The following MYOC variants were observed in gnomAD, a reference collection of about 807,000 sequenced individuals.
MYOC encodes juvenile-onset open-angle glaucoma 1.
MYOC carries 29 observed loss-of-function variants against 28.2 expected under a neutral mutation model. That is an observed-to-expected ratio of 1.03 (90% CI 0.77 to 1.40). The LOEUF is 1.40. Among genes scored for constraint, MYOC ranks in the 40% most tolerant of loss-of-function variants. MYOC has a pLI of 0.00. For synonymous variants in MYOC, 240 were observed against 245.6 expected (o/e 0.98, Z 0.21); for missense variants, 569 against 620.6 (o/e 0.92, Z 0.88).
chr1:171,648,235 A>G (rs1653250610), intron 1 of MYOC, among the ~76,000 whole-genome samples: 1 of 151,670 alleles, frequency 6.6e-6, no homozygotes, highest in Non-Finnish European at 1.5e-5. Context: ...TCGTCCCCAC[A>G]TCTGAGTATC....
Position 171,635,919 on chromosome 1 carries a change from G to A in MYOC, c.*6C>T, listed in dbSNP as rs1034625739. The A allele has an allele frequency of 6.2e-7, 1 of 1,614,008 alleles. No homozygotes were observed. Among genetic ancestry groups the A allele is most frequent in the Non-Finnish European group, 8.5e-7 (1 of 1,179,996 alleles). ...TCTGCCATTGCCTGTACAGCTTGGAGGCTTTTCACATCTTGGAGAGCTTGA... is the reference window on the plus strand; with the variant it reads ...TCTGCCATTGCCTGTACAGCTTGGAAGCTTTTCACATCTTGGAGAGCTTGA... On this transcript the variant is annotated 3_prime_UTR_variant, in exon 3 of 3. Coordinates refer to ENST00000037502, the MANE Select transcript of MYOC (RefSeq NM_000261.2).
chr1:171,639,603 C>A (rs1308681533), intron 1 of MYOC, among the ~76,000 whole-genome samples: 1 of 146,170 alleles, frequency 6.8e-6, no homozygotes, highest in Non-Finnish European at 1.5e-5. Context: ...TATGATCCTG[C>A]CACTGCACTC....
At chr1:171,645,774 A>G (rs568880109) in intron 1 of MYOC, among the ~76,000 whole-genome samples, 2 of 152,190 alleles carry the variant, frequency 1.3e-5, no homozygotes, top group South Asian at 2.1e-4. Context: ...TGTGCACTCA[A>G]TCCTCTTATC....
Position 171,635,993 on chromosome 1 carries a change from C to T in MYOC, c.1447G>A (p.Glu483Lys). The T allele has an allele frequency of 6.2e-7, 1 of 1,614,164 alleles. No individual in the cohort carries two copies. The highest frequency in any genetic ancestry group is 8.5e-7 in the Non-Finnish European group (1 of 1,180,010). The change falls in exon 3 of 3, where the codon GAG becomes AAG. Residue 483 changes from glutamate (E) to lysine (K), a missense_variant. Transcript: ENST00000037502. The stretch of plus-strand genomic sequence containing the variant: ...TTGTCCCAGGCAAAGAGCTTCTTCT[C>T]CAGGGGGTTGTAGTCAATCATGCTG... The part of the protein sequence containing the change: ...YSSMIDYNPL[E>K]KKLFAWDNLN...
chr1:171,638,774 G>T (rs1256636333), intron 1 of MYOC, 52 bp from the exon 2 acceptor site: 2 of 1,600,722 alleles, frequency 1.2e-6, no homozygotes, highest in Non-Finnish European at 1.7e-6. Context: ...ATGGCCCAAG[G>T]ATTGACTATG....
intron 1 of MYOC, among the ~76,000 whole-genome samples, chr1:171,650,448 T>G (rs2102950463): frequency 6.6e-6 from 1 of 152,358 alleles, no homozygotes; most frequent in South Asian, 2.1e-4. Flanking sequence ...CTTCTAATTC[T>G]AACAATCTAA....
In MYOC at chr1:171,635,754, A is replaced by G. The variant is rs1476854691; in HGVS notation, c.*171T>C. On this transcript the variant is annotated 3_prime_UTR_variant, in exon 3 of 3. Coordinates refer to ENST00000037502, the MANE Select transcript of MYOC (RefSeq NM_000261.2). ...ATGAAATTGTCTACGCCCTCAGACT[A>G]CAATTCCTGAATAGTTAGATGGTGA... The G allele has an allele frequency of 1.5e-6, 1 of 670,384 alleles. No individual in the cohort carries two copies. Among genetic ancestry groups the G allele is most frequent in the African/African-American group, 1.8e-5 (1 of 55,358 alleles). 41.5% of individuals were successfully genotyped at this position (670,384 alleles called of 1,614,324 possible). A position where few individuals can be genotyped will look rare whatever the true frequency, so the allele number is the denominator to read the frequency against.
chr1:171,643,968 CAAAAAAAA>C (rs145167337), intron 1 of MYOC, among the ~76,000 whole-genome samples: 49 of 89,452 alleles, frequency 5.5e-4, no homozygotes, highest in Non-Finnish European at 7.1e-4. Context: ...GACTCTGTCT[CAAAAAAAA>C]AAAAAAAAAA....
In MYOC at chr1:171,636,056, T is replaced by C. The variant is rs1652910973; in HGVS notation, c.1384A>G (p.Thr462Ala). Residue 462 changes from threonine (T) to alanine (A), a missense_variant, in exon 3 of 3, where the codon ACC becomes GCC. By Grantham distance (58) the Thr-to-Ala change is moderately conservative. Coordinates refer to ENST00000037502, the MANE Select transcript of MYOC (RefSeq NM_000261.2). ...AYDTGTGISK[T>A]LTIPFKNRYK... is the part of the protein sequence containing the mutation. Reference sequence around the variant, plus strand: ...CGGTTCTTGAATGGGATGGTCAGGGTCTTGCTGATACCTGTGCCTGTGTCA... The same window carrying C: ...CGGTTCTTGAATGGGATGGTCAGGGCCTTGCTGATACCTGTGCCTGTGTCA... The C allele has an allele frequency of 6.2e-7, 1 of 1,614,062 alleles. No homozygotes were observed. The highest frequency in any genetic ancestry group is 1.7e-5 in the Admixed American group (1 of 60,000).
At chr1:171,642,887 T>TAAAAAAAAAAAAAAAAAAAAAAAAA (rs151128602) in intron 1 of MYOC, among the ~76,000 whole-genome samples, 1 of 126,142 alleles carries the variant, frequency 7.9e-6, no homozygotes, top group Non-Finnish European at 1.7e-5. Context: ...TAGTCTATGT[T>TAAAAAAAAAAAAAAAAAAAAAAAAA]TAAAAAAAAA....
Position 171,635,853 on chromosome 1 carries a change from T to C in MYOC, c.*72A>G. On this transcript the variant is annotated 3_prime_UTR_variant, in exon 3 of 3. Transcript: ENST00000037502. ...TGCCTGGGCCCTGGCTGGCTGGCTC[T>C]CCCTTCAGCCTGCTCCCCCCAGGAG... 2 of 1,555,566 alleles carry C rather than the reference T, an allele frequency of 1.3e-6. No homozygotes were observed. Among genetic ancestry groups the C allele is most frequent in the Non-Finnish European group, 8.8e-7 (1 of 1,137,636 alleles).
In MYOC at chr1:171,652,659, AG is replaced by A. The variant is rs1352955462; in HGVS notation, c.-49del. The A allele has an allele frequency of 4.3e-6, 7 of 1,611,742 alleles. No homozygotes were observed. Among genetic ancestry groups the A allele is most frequent in the Non-Finnish European group, 5.9e-6 (7 of 1,179,772 alleles). On this transcript the variant is annotated 5_prime_UTR_variant, in exon 1 of 3. Transcript: ENST00000037502. ...CTCTGGAAAGCTCTGCTGTGCTGAG[AG>A]GTGCCTGGATGGGTGGCCTTGCTGG... is the stretch of plus-strand genomic sequence containing the variant.
chr1:171,639,961 A>C (rs971797029), intron 1 of MYOC, among the ~76,000 whole-genome samples: 2 of 149,120 alleles, frequency 1.3e-5, no homozygotes, highest in Non-Finnish European at 3.0e-5. Flanking sequence ...AAAAAAAAAA[A>C]AAAAAAAAAA....
In MYOC at chr1:171,638,827, C is replaced by T. The variant is rs1572211889; in HGVS notation, c.605-105G>A. 10 of 1,307,194 alleles carry T rather than the reference C, an allele frequency of 7.6e-6. No homozygotes were observed. The South Asian group carries it at 9.5e-5, about 12-fold the overall frequency. The allele number at this position is 1,307,194 out of a possible 1,614,324, so 81.0% of individuals were successfully genotyped here. ...ATAGGCTGCCGGCCAGGCGTGGTGGCTCATGCCTGTAATCCCAGCACTTTG... is the reference window on the plus strand; with the variant it reads ...ATAGGCTGCCGGCCAGGCGTGGTGGTTCATGCCTGTAATCCCAGCACTTTG... On this transcript the variant is annotated intron_variant, in intron 1 of 2. Coordinates refer to ENST00000037502, the MANE Select transcript of MYOC (RefSeq NM_000261.2).
chr1:171,641,389 A>C (rs1484923052), intron 1 of MYOC, among the ~76,000 whole-genome samples: 1 of 152,094 alleles, frequency 6.6e-6, no homozygotes, highest in Non-Finnish European at 1.5e-5. Flanking sequence ...AGGCAGGGTA[A>C]GCAGGTTTAG....
Position 171,636,375 on chromosome 1 carries a change from C to T in MYOC, c.1065G>A (p.Lys355=), listed in dbSNP as rs776030983. 4 of 1,613,992 alleles carry T rather than the reference C, an allele frequency of 2.5e-6. No individual in the cohort carries two copies. The African/African-American group carries it at 4.0e-5, about 16-fold the overall frequency. ...CAGCTCCAGGGATTTCCTTCTCAGC[C>T]TTCACTGTCTCGGTATTCAGCTCAT... ...IRYELNTETV[K]AEKEIPGAGY... The change falls in exon 3 of 3, where the codon AAG becomes AAA. Residue 355 remains lysine, a synonymous_variant. Coordinates refer to ENST00000037502, the MANE Select transcript of MYOC (RefSeq NM_000261.2).
chr1:171,652,382 T>G lies in MYOC; in HGVS notation c.230A>C (p.Asp77Ala), dbSNP rs1470849217. Reference protein sequence around the residue: ...AMSVIHNLQRDSSTQRLDLEA... With the variant: ...AMSVIHNLQRASSTQRLDLEA... ...CAGGTCTAAGCGTTGGGTGCTGCTG[T>G]CTCTCTGTAAGTTATGGATGACTGA... Residue 77 changes from aspartate (D) to alanine (A), a missense_variant, in exon 1 of 3, where the codon GAC becomes GCC. Physicochemically the swap from Asp to Ala is moderately radical, Grantham distance 126. Coordinates refer to ENST00000037502, the MANE Select transcript of MYOC (RefSeq NM_000261.2). 1.9e-6 allele frequency: 3 copies of G among 1,613,072 alleles called. No individual in the cohort carries two copies. The Admixed American group carries it at 5.0e-5, about 27-fold the overall frequency.
intron 1 of MYOC, among the ~76,000 whole-genome samples, chr1:171,639,301 A>G (rs546611044): frequency 8.3e-4 from 126 of 152,278 alleles, no homozygotes; most frequent in Non-Finnish European, 1.1e-3. Flanking sequence ...CAATTCCATA[A>G]TTAAAAACCT....
At chr1:171,649,652 G>T (rs545915676) in intron 1 of MYOC, among the ~76,000 whole-genome samples, 1 of 152,064 alleles carries the variant, frequency 6.6e-6, no homozygotes, top group Non-Finnish European at 1.5e-5. Flanking sequence ...AAAATTAGCC[G>T]GGCATGGTGG....
Sources: gnomAD v4.1 joint callset for allele counts (sites outside exome capture counted in the v4.1 genomes callset) on GRCh38, gnomAD v4.1.1 for gene constraint, MANE v1.5 for transcripts, NCBI Gene and HGNC (gene_info 2026-07-23, HGNC 2026-07-21) for gene names.